Variants in TRIM22 observed in about 807,000 individuals in gnomAD.
TRIM22 encodes the protein E3 ubiquitin-protein ligase TRIM22.
A neutral mutation model predicts 53.6 loss-of-function variants in TRIM22; 45 were observed. That is an observed-to-expected ratio of 0.84 (90% CI 0.66 to 1.08). The LOEUF (loss-of-function observed/expected upper bound fraction) is 1.08. TRIM22 is among the 50% of genes least tolerant of loss of function. The pLI is 0.00. For missense variants in TRIM22, 616 were observed against 590.9 expected, an observed-to-expected ratio of 1.04 and a Z score of -0.44; for synonymous variants, 225 against 216.6, an observed-to-expected ratio of 1.04 and a Z score of -0.34.
At chr11:5,694,062 T>A (rs1354316262) in intron 1 of TRIM22, among the ~76,000 whole-genome samples, 1 of 152,224 alleles carries the variant, frequency 6.6e-6, no homozygotes, top group Non-Finnish European at 1.5e-5. Flanking sequence ...CCCTTTTTGA[T>A]AAGGACACAG....
At chr11:5,692,371 A>G (rs1158949860) in intron 1 of TRIM22, among the ~76,000 whole-genome samples, 1 of 152,234 alleles carries the variant, frequency 6.6e-6, no homozygotes, top group Non-Finnish European at 1.5e-5. Context: ...ACTGTGAGAG[A>G]AAGAGATGAC....
rs201494620 is a variant in TRIM22, at chr11:5,709,140, C to T, written c.989C>T (p.Thr330Ile). ...CAAGTGAAAACTGTACGCACCTGCA[C>T]ATTTAAGAATTCAAATCCATGTGAT... The part of the protein sequence containing the change: ...QRQVKTVRTC[T>I]FKNSNPCDFS... The change falls in exon 8 of 8, where the codon ACA becomes ATA. Residue 330 changes from threonine to isoleucine, a missense_variant. Physicochemically the swap from Thr to Ile is moderately conservative, Grantham distance 89 (BLOSUM62 -1). Transcript: ENST00000379965. 3.1e-6 allele frequency: 5 copies of T among 1,614,176 alleles called. No homozygotes were observed. In the African/African-American group the frequency reaches 6.7e-5, roughly 22 times the overall value.
At chr11:5,690,351 C>A (rs903829973) in intron 1 of TRIM22, among the ~76,000 whole-genome samples, 8 of 152,182 alleles carry the variant, frequency 5.3e-5, no homozygotes, top group African/African-American at 1.9e-4. Flanking sequence ...TACCCCTTTG[C>A]CCTTTCCCCA....
chr11:5,693,584 G>A (rs1191029804), intron 1 of TRIM22, among the ~76,000 whole-genome samples: 1 of 151,810 alleles, frequency 6.6e-6, no homozygotes, highest in Non-Finnish European at 1.5e-5. Context: ...TCACCCGGGT[G>A]TGGTGGCGGG....
rs370495523 is a variant in TRIM22, at chr11:5,709,446, T to G, written c.1295T>G (p.Leu432Trp). The G allele has an allele frequency of 8.2e-5, 132 of 1,614,122 alleles. No homozygotes were observed. Among genetic ancestry groups the G allele is most frequent in the Non-Finnish European group, 1.1e-4 (127 of 1,180,038 alleles). ...EDSSSSDPKV[L>W]TLFMAVPPCR... ...TCCTCCTCTTCTGATCCCAAGGTTT[T>G]GACTCTCTTTATGGCTGTGCCTCCC... The change falls in exon 8 of 8, where the codon TTG becomes TGG. Residue 432 changes from leucine to tryptophan, a missense_variant. Leu to Trp is a moderately conservative substitution (Grantham distance 61). Transcript: ENST00000379965.
chr11:5,706,667 G>C, intron 5 of TRIM22, 51 bp downstream of exon 5: 1 of 1,537,724 alleles, frequency 6.5e-7, no homozygotes, highest in South Asian at 1.2e-5. Context: ...GAGAATTATA[G>C]TCCTGAGAGA....
rs141530877 is a variant in TRIM22, at chr11:5,704,209, A to T, written c.751-2385A>T. On this transcript the variant is annotated intron_variant, in intron 4 of 7. Transcript: ENST00000379965. Reference sequence around the variant, plus strand: ...TAGTTTTACTTCTCTTTCATGCTAGATGTCTTATTTCTTTTTATTTTTACT... The same window carrying T: ...TAGTTTTACTTCTCTTTCATGCTAGTTGTCTTATTTCTTTTTATTTTTACT... 1.4e-4 allele frequency among the ~76,000 whole-genome samples: 21 copies of T among 152,206 alleles called. No homozygotes were observed. In the East Asian group the frequency reaches 4.1e-3, roughly 29 times the overall value.
At chr11:5,702,203 A>T (rs1184174589) in intron 4 of TRIM22, among the ~76,000 whole-genome samples, 3 of 145,228 alleles carry the variant, frequency 2.1e-5, no homozygotes, top group African/African-American at 7.5e-5. Flanking sequence ...GTTATATATT[A>T]TATATACATA....
intron 4 of TRIM22, 88 bp downstream of exon 4, chr11:5,698,633 C>A: frequency 9.0e-7 from 1 of 1,107,188 alleles, no homozygotes; most frequent in South Asian, 1.5e-5. Context: ...TCTAGGCTTT[C>A]TTCTGTGTGG....
chr11:5,697,982 C>A, intron 3 of TRIM22: 2 of 253,282 alleles, frequency 7.9e-6, no homozygotes, highest in South Asian at 1.1e-4. Flanking sequence ...GGATTACAGG[C>A]ATGAGCCACT....
chr11:5,698,274 ACCAG>A, intron 3 of TRIM22, 37 bp from the exon 4 acceptor site: 1 of 1,570,556 alleles, frequency 6.4e-7, no homozygotes, highest in Non-Finnish European at 8.8e-7. Context: ...CAGGCCTTCA[ACCAG>A]CCAGACTGAC....
intron 4 of TRIM22, among the ~76,000 whole-genome samples, chr11:5,703,511 G>A (rs1266535698): frequency 2.7e-5 from 4 of 150,932 alleles, no homozygotes; most frequent in Non-Finnish European, 2.9e-5. Context: ...GCATCCTCCC[G>A]AGTAGCTGGG....
At chr11:5,694,605 TCTAC>T (rs1027547500) in intron 1 of TRIM22, among the ~76,000 whole-genome samples, 3 of 152,246 alleles carry the variant, frequency 2.0e-5, no homozygotes, top group Non-Finnish European at 4.4e-5. Context: ...TCACTCTTAC[TCTAC>T]CTATTAGATT....
chr11:5,709,606 G>C lies in TRIM22; in HGVS notation c.1455G>C (p.Trp485Cys), dbSNP rs745792678. Residue 485 changes from tryptophan (W) to cysteine (C), a missense_variant, in exon 8 of 8, where the codon TGG (tryptophan) becomes TGC (cysteine). By Grantham distance (215) the Trp-to-Cys change is radical. Coordinates refer to ENST00000379965, the MANE Select transcript of TRIM22 (RefSeq NM_006074.5). ...SRPAYPYFNPWNCLVPMTVCP... is the reference protein window; with the variant it reads ...SRPAYPYFNPCNCLVPMTVCP... ...CTGCTTATCCGTATTTCAATCCTTG[G>C]AACTGCCTAGTCCCCATGACTGTGT... The C allele has an allele frequency of 1.2e-6, 2 of 1,610,290 alleles. No homozygotes were observed. Among genetic ancestry groups the C allele is most frequent in the Admixed American group, 3.3e-5 (2 of 59,990 alleles).
chr11:5,707,698 G>A (rs1302788879), intron 5 of TRIM22, among the ~76,000 whole-genome samples: 1 of 152,042 alleles, frequency 6.6e-6, no homozygotes, highest in Non-Finnish European at 1.5e-5. Context: ...TGTAATCCCA[G>A]CTACTTGGGA....
chr11:5,697,410 A>C (rs559830362), intron 3 of TRIM22, 67 bp downstream of exon 3: 13 of 1,132,804 alleles, frequency 1.1e-5, no homozygotes, highest in Non-Finnish European at 1.5e-5. Context: ...GCTCTATCAC[A>C]AGGAGACCCC....
chr11:5,709,272 A>C lies in TRIM22; in HGVS notation c.1121A>C (p.Lys374Thr), dbSNP rs1447463241. The change falls in exon 8 of 8, where the codon AAA becomes ACA. Residue 374 changes from lysine (K) to threonine (T), a missense_variant. Lys to Thr is a moderately conservative substitution (Grantham distance 78, BLOSUM62 -1). Coordinates refer to ENST00000379965, the MANE Select transcript of TRIM22 (RefSeq NM_006074.5). ...GCCTGGATCCTGGGCGTACACAGTAAAATAAGTAGTCTGAATAAAAGGAAG... is the reference window on the plus strand; with the variant it reads ...GCCTGGATCCTGGGCGTACACAGTACAATAAGTAGTCTGAATAAAAGGAAG... ...KIAWILGVHS[K>T]ISSLNKRKSS... 1 of 1,614,100 alleles carries C rather than the reference A, an allele frequency of 6.2e-7. No homozygotes were observed.
chr11:5,696,760 C>G, intron 2 of TRIM22, 105 bp downstream of exon 2: 5 of 1,223,214 alleles, frequency 4.1e-6, no homozygotes, highest in Non-Finnish European at 5.6e-6. Context: ...CACCATAGAA[C>G]GGAGAGCCCT....
Position 5,699,628 on chromosome 11 carries a change from T to C in TRIM22, c.750+1083T>C, listed in dbSNP as rs555808851. On this transcript the variant is annotated intron_variant, in intron 4 of 7. Transcript: ENST00000379965. ...GTTGTCGTACTATTTTCCAAAGTTG[T>C]TACTCACTTTATATGAGTAACAATA... 2.7e-5 allele frequency among the ~76,000 whole-genome samples: 4 copies of C among 150,524 alleles called. No individual in the cohort carries two copies. The East Asian group carries it at 7.8e-4, about 29-fold the overall frequency.
Sources: gnomAD v4.1 joint callset for allele counts (sites outside exome capture counted in the v4.1 genomes callset) on GRCh38, gnomAD v4.1.1 for gene constraint, MANE v1.5 for transcripts, NCBI Gene and HGNC (gene_info 2026-07-23, HGNC 2026-07-21) for gene names.